OPCML: variants seen among roughly 807,000 people sequenced by gnomAD.
OPCML encodes the protein opioid-binding protein/cell adhesion molecule.
Under a neutral mutation model 37.8 loss-of-function variants are expected in OPCML, and 13 were observed. That is an observed-to-expected ratio of 0.34 (90% CI 0.22 to 0.55). OPCML has a LOEUF of 0.55. OPCML is among the 20% of genes least tolerant of loss of function. The probability of loss-of-function intolerance (pLI) is 0.91; values close to 1 mark genes in which losing one functional copy is unlikely to be tolerated. For synonymous variants in OPCML, 176 were observed against 168.8 expected, an observed-to-expected ratio of 1.04 and a Z score of -0.33; for missense variants, 341 against 435.6, an observed-to-expected ratio of 0.78 and a Z score of 1.93.
At chr11:132,791,804 T>A (rs145262311) in intron 2 of OPCML, among the ~76,000 whole-genome samples, 1 of 152,132 alleles carries the variant, frequency 6.6e-6, no homozygotes, top group African/African-American at 2.4e-5. Flanking sequence ...GCTATCCTAG[T>A]GGTCTTTGAA....
chr11:132,934,660 C>A (rs1007522565), intron 2 of OPCML, among the ~76,000 whole-genome samples: 9 of 152,178 alleles, frequency 5.9e-5, no homozygotes, highest in African/African-American at 9.6e-5. Flanking sequence ...ACACTGTCCC[C>A]TTCTTTAGCT....
chr11:133,430,558 G>T (rs79311774), intron 1 of OPCML, among the ~76,000 whole-genome samples: 1 of 152,012 alleles, frequency 6.6e-6, no homozygotes, highest in African/African-American at 2.4e-5. Flanking sequence ...AAATGTACAC[G>T]TACAATTCAT....
At chr11:132,752,244 C>T (rs1275566805) in intron 2 of OPCML, among the ~76,000 whole-genome samples, 2 of 150,048 alleles carry the variant, frequency 1.3e-5, no homozygotes, top group East Asian at 3.9e-4. Context: ...TCACACCAAG[C>T]ATCCCCTTAA....
At chr11:133,133,037 G>T (rs1443824852) in intron 1 of OPCML, among the ~76,000 whole-genome samples, 1 of 152,106 alleles carries the variant, frequency 6.6e-6, no homozygotes, top group Non-Finnish European at 1.5e-5. Flanking sequence ...CTTATTTCAG[G>T]TTGTTTGGTG....
chr11:132,816,599 C>A (rs947499436), intron 2 of OPCML, among the ~76,000 whole-genome samples: 4 of 152,124 alleles, frequency 2.6e-5, no homozygotes, highest in African/African-American at 9.7e-5. Context: ...GGAAGAGATA[C>A]GTGACACCTG....
At chr11:133,030,332 A>G (rs1947643249) in intron 1 of OPCML, among the ~76,000 whole-genome samples, 1 of 152,200 alleles carries the variant, frequency 6.6e-6, no homozygotes. Context: ...GTCTCCTGCC[A>G]CATGCTCACA....
chr11:132,489,479 TG>T (rs1231526133), intron 4 of OPCML, among the ~76,000 whole-genome samples: 2 of 152,214 alleles, frequency 1.3e-5, no homozygotes, highest in African/African-American at 4.8e-5. Flanking sequence ...TTCTGCTGTA[TG>T]TAATTATACA....
intron 1 of OPCML, chr11:133,008,923 A>G (rs955985752): frequency 1.0e-6 from 1 of 985,432 alleles, no homozygotes; most frequent in Non-Finnish European, 1.2e-6. Flanking sequence ...ACACCTGATT[A>G]AGGAGTCACA....
chr11:133,502,590 C>A (rs893835252), intron 1 of OPCML, among the ~76,000 whole-genome samples: 6 of 152,200 alleles, frequency 3.9e-5, no homozygotes, highest in Admixed American at 3.9e-4. Flanking sequence ...AAAAAGAAAC[C>A]AAATATTTCT....
intron 1 of OPCML, among the ~76,000 whole-genome samples, chr11:133,331,925 G>C (rs1943627835): frequency 6.6e-6 from 1 of 151,876 alleles, no homozygotes; most frequent in Non-Finnish European, 1.5e-5. Context: ...GCTCTTTTTT[G>C]GTTCCATATA....
At chr11:133,066,356 C>T (rs1280628878) in intron 1 of OPCML, 1 of 152,234 alleles carries the variant, frequency 6.6e-6, no homozygotes, top group East Asian at 1.9e-4. Context: ...AAATGCCAGT[C>T]TCACTGCGCC....
At chr11:133,230,722 C>A (rs544360277) in intron 1 of OPCML, among the ~76,000 whole-genome samples, 2 of 152,308 alleles carry the variant, frequency 1.3e-5, no homozygotes, top group South Asian at 4.1e-4. Flanking sequence ...CCCATCACAG[C>A]ACCTCAGGGC....
At chr11:133,145,659 A>G (rs1449317595) in intron 1 of OPCML, among the ~76,000 whole-genome samples, 1 of 152,260 alleles carries the variant, frequency 6.6e-6, no homozygotes, top group African/African-American at 2.4e-5. Flanking sequence ...ACGGCAGTAC[A>G]TAAGGCACAT....
intron 2 of OPCML, among the ~76,000 whole-genome samples, chr11:132,722,809 G>C (rs1196250002): frequency 6.6e-6 from 1 of 152,308 alleles, no homozygotes; most frequent in African/African-American, 2.4e-5. Flanking sequence ...GCTGGCCCTT[G>C]CAGCGAAAGG....
intron 1 of OPCML, chr11:133,300,397 C>T (rs550639381): frequency 6.6e-6 from 1 of 152,256 alleles, no homozygotes; most frequent in South Asian, 2.1e-4. Context: ...CTTAGCCCCT[C>T]TTCCAAACCT....
rs1943344057 is a variant in OPCML at position 133,322,140 on chromosome 11, C to T, written c.61+210124G>A. On this transcript the variant is annotated intron_variant, in intron 1 of 7. Transcript: ENST00000524381. ...AAACTCATTTAAAGATGGCTGATGG[C>T]CATAGGCTGCAACCTATGGTCTTTC... is the stretch of plus-strand genomic sequence containing the variant. Among the ~76,000 whole-genome samples, 8 of 152,224 alleles carry T rather than the reference C, an allele frequency of 5.3e-5. No individual in the cohort carries two copies. The South Asian group carries it at 1.7e-3, about 32-fold the overall frequency.
chr11:132,739,645 T>G (rs1375190134), intron 2 of OPCML, among the ~76,000 whole-genome samples: 2 of 152,186 alleles, frequency 1.3e-5, no homozygotes, highest in Non-Finnish European at 2.9e-5. Flanking sequence ...TTGTGTATGT[T>G]GGGGTGGAGG....
At chr11:132,964,033 G>A (rs1591854340) in intron 1 of OPCML, among the ~76,000 whole-genome samples, 4 of 152,290 alleles carry the variant, frequency 2.6e-5, no homozygotes, top group South Asian at 4.1e-4. Context: ...GTGCAGGAGG[G>A]AAGCCTCTGG....
At chr11:133,155,977 G>A (rs920252229) in intron 1 of OPCML, among the ~76,000 whole-genome samples, 3 of 152,042 alleles carry the variant, frequency 2.0e-5, no homozygotes, top group Non-Finnish European at 4.4e-5. Flanking sequence ...TGCAAGGTCG[G>A]GATCTTATTT....
Sources: allele counts gnomAD v4.1 joint callset (sites outside exome capture counted in the v4.1 genomes callset), GRCh38; gene constraint gnomAD v4.1.1; transcripts MANE v1.5; gene names NCBI Gene and HGNC (gene_info 2026-07-23, HGNC 2026-07-21).